Variants in GPM6A observed in about 807,000 individuals in gnomAD.
GPM6A encodes neuronal membrane glycoprotein M6-a.
GPM6A carries 7 observed loss-of-function variants against 32.1 expected under a neutral mutation model. The observed-to-expected ratio is 0.22, with a 90% CI of 0.12 to 0.41. The LOEUF is 0.41. Ranked by LOEUF, GPM6A falls within the 10% of genes least tolerant of loss-of-function variation. GPM6A has a pLI of 1.00. For synonymous variants in GPM6A, 130 were observed against 123.4 expected, an observed-to-expected ratio of 1.05 and a Z score of -0.35; for missense variants, 235 against 347.2, an observed-to-expected ratio of 0.68 and a Z score of 2.57.
intron 1 of GPM6A, among the ~76,000 whole-genome samples, chr4:175,744,903 TA>T (rs1251545952): frequency 2.0e-5 from 3 of 152,180 alleles, no homozygotes; most frequent in Non-Finnish European, 4.4e-5. Flanking sequence ...GGATAGGAAT[TA>T]TGTGTATTTA....
upstream of GPM6A, among the ~76,000 whole-genome samples, chr4:175,814,094 G>A (rs987154101): frequency 2.6e-4 from 39 of 152,190 alleles, no homozygotes; most frequent in Non-Finnish European, 3.4e-4. Context: ...ACGGAGCAAC[G>A]CTCCTCATTT....
At chr4:175,945,781 C>T (rs1189109129) in intron 1 of GPM6A, among the ~76,000 whole-genome samples, 1 of 146,266 alleles carries the variant, frequency 6.8e-6, no homozygotes, top group African/African-American at 2.7e-5. Flanking sequence ...TTACATACAA[C>T]TCAGTAATAC....
At chr4:175,671,064 A>G (rs1048747555) in intron 3 of GPM6A, among the ~76,000 whole-genome samples, 3 of 151,798 alleles carry the variant, frequency 2.0e-5, no homozygotes, top group Non-Finnish European at 4.4e-5. Context: ...GGGTTTCACT[A>G]TGTTGACCAT....
intron 1 of GPM6A, among the ~76,000 whole-genome samples, chr4:175,820,072 C>T (rs1031143164): frequency 3.3e-5 from 5 of 152,256 alleles, no homozygotes; most frequent in African/African-American, 1.2e-4. Flanking sequence ...TCAACAAATG[C>T]AATTATCATC....
rs138677733 is a variant in GPM6A, at chr4:175,674,506, G to A, written c.231-670C>T. Among the ~76,000 whole-genome samples, 392 of 152,256 alleles carry A rather than the reference G, an allele frequency of 2.6e-3. 5 individuals carry two copies. Among genetic ancestry groups the A allele is most frequent in the African/African-American group, 9.1e-3 (377 of 41,544 alleles). On this transcript the variant is annotated intron_variant, in intron 2 of 6. Transcript: ENST00000393658. ...TTGTTAAGTAGGGTAATTATCATATGATTTCTCTAATTAGGACAAAATACC... is the reference window on the plus strand; with the variant it reads ...TTGTTAAGTAGGGTAATTATCATATAATTTCTCTAATTAGGACAAAATACC...
chr4:175,993,741 CA>C (rs1397796951), intron 1 of GPM6A, among the ~76,000 whole-genome samples: 1 of 152,114 alleles, frequency 6.6e-6, no homozygotes, highest in African/African-American at 2.4e-5. Context: ...TTGTTGCCTT[CA>C]AAGTCTGGAC....
intron 1 of GPM6A, among the ~76,000 whole-genome samples, chr4:175,774,619 C>T (rs114684087): frequency 0.02 from 3,070 of 152,052 alleles, 56 homozygotes; most frequent in Non-Finnish European, 0.031. Context: ...TAAAATAAGT[C>T]ATGAATTTCA....
intron 1 of GPM6A, among the ~76,000 whole-genome samples, chr4:175,959,387 C>T (rs1740093630): frequency 1.3e-5 from 2 of 151,980 alleles, no homozygotes; most frequent in African/African-American, 4.8e-5. Flanking sequence ...ATCTAATAAC[C>T]TCTCATGCAT....
chr4:175,651,815 A>G lies in GPM6A; in HGVS notation c.541+19T>C, dbSNP rs1741823431. The G allele has an allele frequency of 1.9e-6, 3 of 1,600,830 alleles. No individual in the cohort carries two copies. In the African/African-American group the frequency reaches 4.0e-5, roughly 21 times the overall value. ...TATGGGATGGTGTTTTACAGTTTAG[A>G]GATCCAATATCCACTTACCAAACTG... is the stretch of plus-strand genomic sequence containing the variant. On this transcript the variant is annotated intron_variant, in intron 4 of 6. Coordinates refer to ENST00000393658, the MANE Select transcript of GPM6A (RefSeq NM_201591.3).
At chr4:175,879,252 GC>G (rs1737188267) in intron 1 of GPM6A, among the ~76,000 whole-genome samples, 1 of 152,104 alleles carries the variant, frequency 6.6e-6, no homozygotes, top group South Asian at 2.1e-4. Context: ...TCCAACCTCT[GC>G]CTGTTGTCCA....
intron 1 of GPM6A, among the ~76,000 whole-genome samples, chr4:175,885,607 G>A (rs1737426828): frequency 6.6e-6 from 1 of 152,120 alleles, no homozygotes. Context: ...CTCCAGCCTA[G>A]GTGACAGAGG....
At chr4:175,733,768 G>T (rs1731534235) in intron 1 of GPM6A, among the ~76,000 whole-genome samples, 1 of 152,182 alleles carries the variant, frequency 6.6e-6, no homozygotes, top group African/African-American at 2.4e-5. Flanking sequence ...CTGTTTTCAA[G>T]CTTGATTGTG....
At chr4:175,858,908 C>T (rs1736493134) in intron 1 of GPM6A, among the ~76,000 whole-genome samples, 1 of 152,130 alleles carries the variant, frequency 6.6e-6, no homozygotes, top group Non-Finnish European at 1.5e-5. Context: ...GGAAGAAATT[C>T]TTGAAACACA....
chr4:175,713,996 C>G (rs2111098500), intron 1 of GPM6A, among the ~76,000 whole-genome samples: 1 of 152,100 alleles, frequency 6.6e-6, no homozygotes, highest in Admixed American at 6.6e-5. Context: ...CTTCTGCTAT[C>G]ATATTTGTAT....
chr4:175,747,269 CAAAA>C lies in GPM6A; in HGVS notation c.38-45506_38-45503del, dbSNP rs5864346. The stretch of plus-strand genomic sequence containing the variant: ...TGGTGACAGAGCAAGACTCCATCTC[CAAAA>C]AAAAAAAAAAAAAAAAAAGAAGGAA... On this transcript the variant is annotated intron_variant, in intron 1 of 6. Coordinates refer to ENST00000393658, the MANE Select transcript of GPM6A (RefSeq NM_201591.3). Among the ~76,000 whole-genome samples the C allele has an allele frequency of 2.9e-3, 321 of 109,522 alleles. 1 individual carries two copies. The highest frequency in any genetic ancestry group is 0.011 in the African/African-American group (298 of 27,194). 71.9% of individuals were successfully genotyped at this position (109,522 alleles called of 152,430 possible). A position where few individuals can be genotyped will look rare whatever the true frequency, so the allele number is the denominator to read the frequency against.
chr4:175,936,619 A>G (rs1283860515), intron 1 of GPM6A, among the ~76,000 whole-genome samples: 1 of 152,142 alleles, frequency 6.6e-6, no homozygotes, highest in Non-Finnish European at 1.5e-5. Context: ...TTTATAAAAG[A>G]ATATTTCAGA....
chr4:175,964,096 CA>C (rs201953327), intron 1 of GPM6A, among the ~76,000 whole-genome samples: 7 of 146,810 alleles, frequency 4.8e-5, no homozygotes, highest in Admixed American at 2.0e-4. Context: ...CAGTAGAAGA[CA>C]AAAAAAAGAG....
chr4:175,902,353 C>A (rs895678051), intron 1 of GPM6A, among the ~76,000 whole-genome samples: 1 of 152,116 alleles, frequency 6.6e-6, no homozygotes, highest in African/African-American at 2.4e-5. Flanking sequence ...GCCTCCAAAT[C>A]ATTTATTTCC....
At chr4:175,825,179 A>G (rs1735395092) in intron 1 of GPM6A, among the ~76,000 whole-genome samples, 2 of 152,250 alleles carry the variant, frequency 1.3e-5, no homozygotes, top group South Asian at 4.1e-4. Context: ...TATCCTTAAA[A>G]AACAGAGTGA....
Sources: allele counts gnomAD v4.1 joint callset (sites outside exome capture counted in the v4.1 genomes callset), GRCh38; gene constraint gnomAD v4.1.1; transcripts MANE v1.5; gene names NCBI Gene and HGNC (gene_info 2026-07-23, HGNC 2026-07-21).